The following HMOX2 variants were observed in gnomAD, a reference collection of about 807,000 sequenced individuals.
HMOX2 encodes the protein heme oxygenase 2.
HMOX2 carries 30 observed loss-of-function variants against 33.7 expected under a neutral mutation model. The observed-to-expected ratio is 0.89, with a 90% CI of 0.67 to 1.21. The LOEUF is 1.21. HMOX2 is among the 50% of genes most tolerant of loss of function. The pLI is 0.00. For missense variants in HMOX2, 403 were observed against 399.1 expected (o/e 1.01, Z -0.08); for synonymous variants, 155 against 155.0 (o/e 1.00, Z 0.00).
chr16:4,485,505 A>G (rs2058145362), intron 1 of HMOX2, among the ~76,000 whole-genome samples: 1 of 152,172 alleles, frequency 6.6e-6, no homozygotes, highest in Admixed American at 6.5e-5. Flanking sequence ...TTGAGAGGCC[A>G]GGGAAGTTAA....
chr16:4,492,044 C>T (rs1215736361), intron 1 of HMOX2, among the ~76,000 whole-genome samples: 2 of 152,086 alleles, frequency 1.3e-5, no homozygotes, highest in East Asian at 3.9e-4. Flanking sequence ...ATACAGGCAG[C>T]ATCAAAACTA....
At chr16:4,492,154 T>G (rs1458421480) in intron 1 of HMOX2, among the ~76,000 whole-genome samples, 1 of 152,022 alleles carries the variant, frequency 6.6e-6, no homozygotes, top group African/African-American at 2.4e-5. Flanking sequence ...CTGGGCAATA[T>G]AGTGAGACCC....
In HMOX2 at chr16:4,507,918, G is replaced by T. The variant is rs17884623; in HGVS notation, c.410G>T (p.Arg137Leu). Reference sequence around the variant, plus strand: ...AAGGCTGCCCAGAAGTACGTGGAGCGGATCCACTACATAGGGCAGAACGAG... The same window carrying T: ...AAGGCTGCCCAGAAGTACGTGGAGCTGATCCACTACATAGGGCAGAACGAG... The part of the protein sequence containing the change: ...CPKAAQKYVE[R>L]IHYIGQNEPE... The change falls in exon 4 of 6, where the codon CGG (arginine) becomes CTG (leucine). Residue 137 changes from arginine to leucine, a missense_variant. Transcript: ENST00000570646. 6.2e-7 allele frequency: 1 copy of T among 1,613,966 alleles called. No individual in the cohort carries two copies. Among genetic ancestry groups the T allele is most frequent in the African/African-American group, 1.3e-5 (1 of 74,874 alleles).
At chr16:4,486,138 C>G (rs2058161907) in intron 1 of HMOX2, among the ~76,000 whole-genome samples, 1 of 152,190 alleles carries the variant, frequency 6.6e-6, no homozygotes, top group African/African-American at 2.4e-5. Context: ...GACAAGTACC[C>G]TTTCTTCCCA....
chr16:4,479,027 T>C (rs13335503), intron 1 of HMOX2, among the ~76,000 whole-genome samples: 17,424 of 151,930 alleles, frequency 0.11, 2,077 homozygotes, highest in African/African-American at 0.3. Flanking sequence ...AAAAGTAGCC[T>C]GTAATCCCAG....
At chr16:4,492,855 G>A (rs1042700080) in intron 1 of HMOX2, among the ~76,000 whole-genome samples, 5 of 152,114 alleles carry the variant, frequency 3.3e-5, no homozygotes, top group Admixed American at 6.6e-5. Context: ...TGGGCAACAT[G>A]GGAATACCCT....
intron 3 of HMOX2, 73 bp downstream of exon 3, chr16:4,507,085 G>A (rs2058712850): frequency 1.1e-6 from 1 of 900,108 alleles, no homozygotes; most frequent in Non-Finnish European, 1.9e-6. Context: ...TGAGAAAAGT[G>A]CCCCTGGAGC....
At chr16:4,477,788 G>C (rs1176790355) in intron 1 of HMOX2, among the ~76,000 whole-genome samples, 1 of 152,156 alleles carries the variant, frequency 6.6e-6, no homozygotes, top group Non-Finnish European at 1.5e-5. Context: ...GGGCGGGGTG[G>C]CGCGTGTCTG....
rs2058801777 is a variant in HMOX2, at chr16:4,510,165, G to T, written c.*409G>T. 1 of 196,026 alleles carries T rather than the reference G, an allele frequency of 5.1e-6. No individual in the cohort carries two copies. Among genetic ancestry groups the T allele is most frequent in the Non-Finnish European group, 1.1e-5 (1 of 94,224 alleles). The allele number at this position is 196,026 out of a possible 1,614,324, so 12.1% of individuals were successfully genotyped here. On this transcript the variant is annotated 3_prime_UTR_variant, in exon 6 of 6. Coordinates refer to ENST00000570646, the MANE Select transcript of HMOX2 (RefSeq NM_002134.4). The stretch of plus-strand genomic sequence containing the variant: ...GCTGGATGCTGCTGTACAACTTCTG[G>T]GCCTCTCTTGGACCCTGGGAGTGAG...
At chr16:4,491,337 C>G (rs2058300535) in intron 1 of HMOX2, among the ~76,000 whole-genome samples, 1 of 152,110 alleles carries the variant, frequency 6.6e-6, no homozygotes, top group Admixed American at 6.5e-5. Context: ...CAATATCTTC[C>G]CTTAGGTCTT....
chr16:4,487,442 G>A (rs930661756), intron 1 of HMOX2, among the ~76,000 whole-genome samples: 2 of 151,966 alleles, frequency 1.3e-5, no homozygotes, highest in African/African-American at 4.8e-5. Flanking sequence ...AGGCCGAGGC[G>A]GGCGGATCAC....
chr16:4,504,682 CTTTTTTTT>C (rs56922429), intron 1 of HMOX2, among the ~76,000 whole-genome samples: 127 of 65,842 alleles, frequency 1.9e-3, no homozygotes, highest in African/African-American at 9.7e-3. Flanking sequence ...TTGATACGGT[CTTTTTTTT>C]TTTTTTTTTT....
intron 1 of HMOX2, among the ~76,000 whole-genome samples, chr16:4,498,442 A>G (rs1353271921): frequency 6.6e-6 from 1 of 150,772 alleles, no homozygotes; most frequent in African/African-American, 2.5e-5. Context: ...CGGTGTGATC[A>G]TAGTTCACTG....
intron 2 of HMOX2, among the ~76,000 whole-genome samples, chr16:4,506,009 C>G (rs1292706557): frequency 2.6e-5 from 4 of 152,174 alleles, no homozygotes; most frequent in African/African-American, 9.7e-5. Flanking sequence ...ACAGCTCATG[C>G]TAAACCTGAG....
At chr16:4,505,196 T>C (rs1455669312) in intron 1 of HMOX2, among the ~76,000 whole-genome samples, 1 of 152,212 alleles carries the variant, frequency 6.6e-6, no homozygotes, top group African/African-American at 2.4e-5. Context: ...CAGTGTGTAT[T>C]TCTTAGGAAC....
In HMOX2 at chr16:4,479,129, C is replaced by T. The variant is rs146229076; in HGVS notation, c.-42+2642C>T. ...TCATGCCATTGCACTCCAGCCTGGG[C>T]GACAAGAGCAAAACTTCATCTCAAA... On this transcript the variant is annotated intron_variant, in intron 1 of 5. Transcript: ENST00000570646. Among the ~76,000 whole-genome samples, 22 of 152,012 alleles carry T rather than the reference C, an allele frequency of 1.4e-4. 1 individual carries two copies. In the East Asian group the frequency reaches 3.9e-3, roughly 27 times the overall value.
upstream of HMOX2, among the ~76,000 whole-genome samples, chr16:4,475,768 G>A (rs555475568): frequency 1.8e-4 from 27 of 151,880 alleles, no homozygotes; most frequent in African/African-American, 6.3e-4. Flanking sequence ...TGAAACCCCC[G>A]TCTCTACTAA....
At chr16:4,476,943 C>A (rs951097672) in intron 1 of HMOX2, among the ~76,000 whole-genome samples, 2 of 152,110 alleles carry the variant, frequency 1.3e-5, no homozygotes, top group African/African-American at 4.8e-5. Flanking sequence ...TGGCATTGAC[C>A]GGGGCTCTGC....
chr16:4,507,573 T>C (rs1297726564), intron 3 of HMOX2, 140 bp from the exon 4 acceptor site: 1 of 818,664 alleles, frequency 1.2e-6, no homozygotes, highest in East Asian at 2.7e-5. Context: ...AGCTTCCTTG[T>C]GTGTTAAATA....
Sources: gnomAD v4.1 joint callset for allele counts (sites outside exome capture counted in the v4.1 genomes callset) on GRCh38, gnomAD v4.1.1 for gene constraint, MANE v1.5 for transcripts, NCBI Gene and HGNC (gene_info 2026-07-23, HGNC 2026-07-21) for gene names.